GRIK1: variants seen among roughly 807,000 people sequenced by gnomAD.
The protein encoded by GRIK1 is glutamate ionotropic receptor kainate type subunit 1.
In GRIK1, 69 loss-of-function variants were observed where a neutral mutation model predicts 105.7. That is an observed-to-expected ratio of 0.65 (90% CI 0.54 to 0.80). The LOEUF (loss-of-function observed/expected upper bound fraction) is 0.80, where lower values mean the gene tolerates loss of function less well. Ranked by LOEUF, GRIK1 falls within the 30% of genes least tolerant of loss-of-function variation. The probability of loss-of-function intolerance (pLI) is 0.00; values close to 1 mark genes in which losing one functional copy is unlikely to be tolerated. For missense variants in GRIK1, 1,109 were observed against 1,167.3 expected, an observed-to-expected ratio of 0.95 and a Z score of 0.73; for synonymous variants, 438 against 431.3, an observed-to-expected ratio of 1.02 and a Z score of -0.19.
At chr21:29,706,888 G>C (rs1024686060) in intron 1 of GRIK1, among the ~76,000 whole-genome samples, 4 of 151,596 alleles carry the variant, frequency 2.6e-5, no homozygotes, top group East Asian at 1.9e-4. Flanking sequence ...TTTTTGAGGC[G>C]GAGTCTCGCT....
intron 8 of GRIK1, among the ~76,000 whole-genome samples, chr21:29,597,202 C>T (rs1568865607): frequency 6.6e-6 from 1 of 152,186 alleles, no homozygotes; most frequent in Non-Finnish European, 1.5e-5. Flanking sequence ...GCCCAATCAG[C>T]CTTCTCAGGA....
intron 1 of GRIK1, among the ~76,000 whole-genome samples, chr21:29,732,486 G>T (rs2064658861): frequency 6.6e-6 from 1 of 152,152 alleles, no homozygotes; most frequent in Non-Finnish European, 1.5e-5. Context: ...AACTTAAGTA[G>T]ATTGCAATCA....
At chr21:29,773,804 G>A (rs375909669) in intron 1 of GRIK1, among the ~76,000 whole-genome samples, 6 of 152,190 alleles carry the variant, frequency 3.9e-5, no homozygotes, top group Non-Finnish European at 7.3e-5. Context: ...CATATTCACA[G>A]GGGCTTGCAT....
chr21:29,674,594 TGTG>T (rs2063230888), intron 3 of GRIK1, among the ~76,000 whole-genome samples: 1 of 152,048 alleles, frequency 6.6e-6, no homozygotes, highest in Admixed American at 6.6e-5. Flanking sequence ...AGGCTGTTCT[TGTG>T]GTAGTGAGTG....
intron 1 of GRIK1, among the ~76,000 whole-genome samples, chr21:29,889,208 G>T (rs540750305): frequency 1.1e-4 from 16 of 152,112 alleles, no homozygotes; most frequent in Middle Eastern, 3.4e-3. Context: ...GCATGGACAA[G>T]GTAATAAAAA....
At chr21:29,863,806 A>C (rs1400119480) in intron 1 of GRIK1, among the ~76,000 whole-genome samples, 1 of 151,958 alleles carries the variant, frequency 6.6e-6, no homozygotes, top group Non-Finnish European at 1.5e-5. Context: ...TAATACTTTT[A>C]CTCATTTGTT....
intron 1 of GRIK1, among the ~76,000 whole-genome samples, chr21:29,847,794 G>A (rs2068168740): frequency 6.6e-6 from 1 of 152,018 alleles, no homozygotes; most frequent in South Asian, 2.1e-4. Context: ...CGGGATGCTG[G>A]ATCATGCTTT....
In GRIK1 at chr21:29,537,255, G is replaced by A. The variant is rs1333209696; in HGVS notation, c.2825C>T (p.Thr942Ile). 1.9e-6 allele frequency: 3 copies of A among 1,608,648 alleles called. No individual in the cohort carries two copies. Among genetic ancestry groups the A allele is most frequent in the Non-Finnish European group, 2.5e-6 (3 of 1,177,792 alleles). ...TCACGCCACAGTCTCTTTTCTCTGAGTTCGTCTCTGATGACAAGTAAGGAT... is the reference window on the plus strand; with the variant it reads ...TCACGCCACAGTCTCTTTTCTCTGAATTCGTCTCTGATGACAAGTAAGGAT... ...TSILTCHQRR[T>I]QRKETVA The change falls in exon 18 of 18, where the codon ACT (threonine) becomes ATT (isoleucine). Residue 942 changes from threonine (T) to isoleucine (I), a missense_variant. Physicochemically the swap from Thr to Ile is moderately conservative, Grantham distance 89. Around this residue, in one of 5 missense-constraint regions of GRIK1, gnomAD observed 161 missense variants for 143.4 expected, o/e 1.12. Transcript: ENST00000327783.
chr21:29,905,748 T>C (rs1478140607), intron 1 of GRIK1, among the ~76,000 whole-genome samples: 1 of 137,774 alleles, frequency 7.3e-6, no homozygotes, highest in Non-Finnish European at 1.5e-5. Flanking sequence ...TGCCTCAGCC[T>C]CCGAAGTAGC....
At chr21:29,656,382 A>AAAAAAAC in intron 4 of GRIK1, among the ~76,000 whole-genome samples, 1 of 148,260 alleles carries the variant, frequency 6.7e-6, no homozygotes, top group Non-Finnish European at 1.5e-5. Context: ...AAAAAAAAAA[A>AAAAAAAC]AAAAAAAGAA....
chr21:29,668,109 C>T (rs2063094993), intron 4 of GRIK1, among the ~76,000 whole-genome samples: 1 of 152,144 alleles, frequency 6.6e-6, no homozygotes, highest in African/African-American at 2.4e-5. Context: ...TCGTTTGGTT[C>T]ATTTATTCAT....
At chr21:29,704,487 C>A (rs1018095986) in intron 1 of GRIK1, among the ~76,000 whole-genome samples, 2 of 152,160 alleles carry the variant, frequency 1.3e-5, no homozygotes, top group East Asian at 3.9e-4. Context: ...CCTTGAAGAT[C>A]AGGACAGATG....
intron 1 of GRIK1, among the ~76,000 whole-genome samples, chr21:29,710,797 T>C (rs180758515): frequency 1.6e-3 from 15 of 9,630 alleles, no homozygotes; most frequent in African/African-American, 3.4e-3. Flanking sequence ...CCCTCCTTCC[T>C]TCCTTCCTTC....
chr21:29,814,644 T>C (rs193241446), intron 1 of GRIK1, among the ~76,000 whole-genome samples: 216 of 152,208 alleles, frequency 1.4e-3, no homozygotes, highest in Non-Finnish European at 1.6e-3. Flanking sequence ...AGGTTTGGGG[T>C]TGTTATGGTG....
chr21:29,734,134 A>C (rs575491835), intron 1 of GRIK1, among the ~76,000 whole-genome samples: 1 of 152,124 alleles, frequency 6.6e-6, no homozygotes, highest in South Asian at 2.1e-4. Flanking sequence ...CCTAATCTGA[A>C]GAGGCTTATT....
At chr21:29,641,388 T>C (rs983473120) in intron 7 of GRIK1, among the ~76,000 whole-genome samples, 4 of 151,746 alleles carry the variant, frequency 2.6e-5, no homozygotes, top group South Asian at 4.1e-4. Flanking sequence ...CCTGCCACCA[T>C]GTAGACATGC....
At chr21:29,783,683 T>C (rs2066184541) in intron 1 of GRIK1, among the ~76,000 whole-genome samples, 1 of 152,210 alleles carries the variant, frequency 6.6e-6, no homozygotes, top group Admixed American at 6.5e-5. Context: ...GTTTTACACA[T>C]AATGCTGCAT....
chr21:29,543,918 A>T (rs2090010866), intron 16 of GRIK1, among the ~76,000 whole-genome samples: 2 of 152,192 alleles, frequency 1.3e-5, no homozygotes, highest in Non-Finnish European at 1.5e-5. Context: ...TGGCTACAGC[A>T]TGTAGACTTC....
At chr21:29,540,343 T>C (rs975862645) in intron 16 of GRIK1, among the ~76,000 whole-genome samples, 1 of 152,244 alleles carries the variant, frequency 6.6e-6, no homozygotes, top group African/African-American at 2.4e-5. Flanking sequence ...GGCGGCTTTC[T>C]TGGTCTTTGG....
Sources: allele counts gnomAD v4.1 joint callset (sites outside exome capture counted in the v4.1 genomes callset), GRCh38; gene constraint gnomAD v4.1.1; regional missense constraint gnomAD v4.1.1; transcripts MANE v1.5; gene names NCBI Gene and HGNC (gene_info 2026-07-23, HGNC 2026-07-21).